KCNK10: variants seen among roughly 807,000 people sequenced by gnomAD.
KCNK10 encodes the protein potassium channel subfamily K member 10.
KCNK10 carries 25 observed loss-of-function variants against 47.7 expected under a neutral mutation model. That is an observed-to-expected ratio of 0.52 (90% confidence interval 0.38 to 0.73). KCNK10 has a LOEUF of 0.73. Among genes scored for constraint, KCNK10 ranks in the 30% least tolerant of loss-of-function variants. The probability of loss-of-function intolerance (pLI) is 0.00; values close to 1 mark genes in which losing one functional copy is unlikely to be tolerated. For synonymous variants in KCNK10, 303 were observed against 285.6 expected (o/e 1.06, Z -0.61); for missense variants, 563 against 714.5 (o/e 0.79, Z 2.42).
At chr14:88,325,197 T>C (rs117528908), upstream of KCNK10, among the ~76,000 whole-genome samples, 1,754 of 152,256 alleles carry the variant, frequency 0.012, 21 homozygotes, top group Non-Finnish European at 0.018. Context: ...CAGAGGGAGA[T>C]GCTTCTAAGA....
At chr14:88,317,361 A>C (rs1421419870) in intron 1 of KCNK10, among the ~76,000 whole-genome samples, 2 of 152,234 alleles carry the variant, frequency 1.3e-5, no homozygotes, top group Non-Finnish European at 2.9e-5. Context: ...TCTTTTAGCC[A>C]GTACAGCAGA....
intron 3 of KCNK10, among the ~76,000 whole-genome samples, chr14:88,234,603 A>G (rs566265794): frequency 1.3e-5 from 2 of 152,224 alleles, no homozygotes; most frequent in Non-Finnish European, 2.9e-5. Context: ...GCAATAAGGC[A>G]GGGAGTTCCT....
At chr14:88,220,960 A>G (rs1885790142) in intron 4 of KCNK10, among the ~76,000 whole-genome samples, 1 of 151,820 alleles carries the variant, frequency 6.6e-6, no homozygotes, top group Admixed American at 6.6e-5. Context: ...AGGATATACT[A>G]GATAAAAAAT....
intron 2 of KCNK10, among the ~76,000 whole-genome samples, chr14:88,241,963 C>T (rs181635616): frequency 1.1e-3 from 161 of 152,242 alleles, no homozygotes; most frequent in African/African-American, 3.3e-3. Context: ...TCATGGCAGC[C>T]GAAACACATG....
At chr14:88,324,666 G>A (rs750650969), upstream of KCNK10, among the ~76,000 whole-genome samples, 5 of 152,032 alleles carry the variant, frequency 3.3e-5, no homozygotes, top group Non-Finnish European at 5.9e-5. Flanking sequence ...CTTTACTTAC[G>A]CATAGAAATT....
At chr14:88,213,709 C>T (rs2139854363) in intron 4 of KCNK10, among the ~76,000 whole-genome samples, 1 of 152,176 alleles carries the variant, frequency 6.6e-6, no homozygotes, top group East Asian at 1.9e-4. Flanking sequence ...ATAGTTTCCT[C>T]TATCAGAGAT....
intron 1 of KCNK10, among the ~76,000 whole-genome samples, chr14:88,302,652 G>A (rs956711858): frequency 1.2e-4 from 19 of 152,210 alleles, no homozygotes; most frequent in African/African-American, 3.4e-4. Flanking sequence ...AGAGGTTGCA[G>A]TGAATTGAGA....
At chr14:88,213,590 A>G (rs1194119951) in intron 4 of KCNK10, among the ~76,000 whole-genome samples, 1 of 152,192 alleles carries the variant, frequency 6.6e-6, no homozygotes, top group Non-Finnish European at 1.5e-5. Context: ...AAATGCAAAA[A>G]TATAAAACCT....
intron 1 of KCNK10, among the ~76,000 whole-genome samples, chr14:88,289,622 G>A (rs1414209297): frequency 1.3e-5 from 2 of 152,248 alleles, no homozygotes; most frequent in Admixed American, 6.5e-5. Context: ...CAGTGAAGAA[G>A]AGAGCCTGAG....
intron 4 of KCNK10, among the ~76,000 whole-genome samples, chr14:88,216,771 C>A (rs1885634001): frequency 6.6e-6 from 1 of 152,292 alleles, no homozygotes; most frequent in South Asian, 2.1e-4. Context: ...AAATTATTTG[C>A]ATTTTCAAAT....
chr14:88,326,705 C>T, upstream of KCNK10: 1 of 531,756 alleles, frequency 1.9e-6, no homozygotes, highest in South Asian at 2.4e-5. Flanking sequence ...GTCTCTGCAG[C>T]TCAAAACCTG....
Position 88,260,187 on chromosome 14 carries a change from C to T in KCNK10, c.402+3015G>A, listed in dbSNP as rs1392119701. ...CGAACTCCTGATCTCAGGTCATCCACCCACCTTGGCCTCCCAAAGTGCTGG... is the reference window on the plus strand; with the variant it reads ...CGAACTCCTGATCTCAGGTCATCCATCCACCTTGGCCTCCCAAAGTGCTGG... On this transcript the variant is annotated intron_variant, in intron 2 of 6. Coordinates refer to ENST00000319231, the MANE Select transcript of KCNK10 (RefSeq NM_138317.3). This position sits in a 1 kb window ranked among gnomAD's most constrained non-coding sequence, Gnocchi z 4.5. Among the ~76,000 whole-genome samples, 2 of 152,198 alleles carry T rather than the reference C, an allele frequency of 1.3e-5. No individual in the cohort carries two copies. Among genetic ancestry groups the T allele is most frequent in the East Asian group, 3.9e-4 (2 of 5,194 alleles).
chr14:88,224,736 A>G (rs1885928618), intron 4 of KCNK10, among the ~76,000 whole-genome samples: 1 of 152,124 alleles, frequency 6.6e-6, no homozygotes, highest in Non-Finnish European at 1.5e-5. Context: ...CCGCCTCCCA[A>G]GTAGCTGGGA....
At chr14:88,187,288 CT>C (rs3830946) in intron 6 of KCNK10, among the ~76,000 whole-genome samples, 8 of 151,800 alleles carry the variant, frequency 5.3e-5, no homozygotes, top group Non-Finnish European at 7.4e-5. Context: ...TCTTTTAGCT[CT>C]TTTTTTTCTC....
intron 2 of KCNK10, among the ~76,000 whole-genome samples, chr14:88,246,450 G>A (rs916575430): frequency 6.6e-6 from 1 of 152,178 alleles, no homozygotes; most frequent in Non-Finnish European, 1.5e-5. Context: ...ATTTATGGCC[G>A]AAGAGCCTCG....
At chr14:88,189,176 GA>G (rs1884668565) in intron 5 of KCNK10, among the ~76,000 whole-genome samples, 1 of 152,212 alleles carries the variant, frequency 6.6e-6, no homozygotes, top group Non-Finnish European at 1.5e-5. Context: ...AGCTGGGCAA[GA>G]AATGTGACCT....
chr14:88,197,797 T>C (rs917582637), intron 4 of KCNK10, among the ~76,000 whole-genome samples: 1 of 141,520 alleles, frequency 7.1e-6, no homozygotes, highest in African/African-American at 2.7e-5. Flanking sequence ...GCAAGGGACA[T>C]GGCAGTTCGA....
intron 2 of KCNK10, among the ~76,000 whole-genome samples, chr14:88,256,750 T>G (rs1359539573): frequency 6.6e-6 from 1 of 152,180 alleles, no homozygotes; most frequent in Non-Finnish European, 1.5e-5. Context: ...TCAGCAGAAC[T>G]CCACGATGCG....
chr14:88,220,192 C>T (rs929609004), intron 4 of KCNK10, among the ~76,000 whole-genome samples: 5 of 151,628 alleles, frequency 3.3e-5, no homozygotes, highest in East Asian at 1.9e-4. Flanking sequence ...CCGAGGCGGG[C>T]GGATCACGAG....
Sources: allele counts gnomAD v4.1 joint callset (sites outside exome capture counted in the v4.1 genomes callset), GRCh38; gene constraint gnomAD v4.1.1; non-coding constraint Gnocchi (gnomAD v3.1); transcripts MANE v1.5; gene names NCBI Gene and HGNC (gene_info 2026-07-23, HGNC 2026-07-21).